The following HTR1F variants were observed in gnomAD, a reference collection of about 807,000 sequenced individuals.
HTR1F encodes the protein 5-hydroxytryptamine (serotonin) receptor 1F, G protein-coupled.
In HTR1F, 17 loss-of-function variants were observed where a neutral mutation model predicts 24.0. The observed-to-expected ratio is 0.71, with a 90% CI of 0.48 to 1.06. The LOEUF is 1.06. Among genes scored for constraint, HTR1F ranks in the 50% least tolerant of loss-of-function variants. HTR1F has a pLI of 0.00. For synonymous variants in HTR1F, 186 were observed against 156.8 expected (o/e 1.19, Z -1.39); for missense variants, 391 against 427.8 (o/e 0.91, Z 0.76).
intron 2 of HTR1F, among the ~76,000 whole-genome samples, chr3:87,948,077 A>G (rs1704750962): frequency 6.6e-6 from 1 of 152,202 alleles, no homozygotes. Context: ...TACATTCTGA[A>G]AAATGTTATA....
At chr3:87,873,531 G>A (rs1198517379) in intron 2 of HTR1F, among the ~76,000 whole-genome samples, 1 of 152,114 alleles carries the variant, frequency 6.6e-6, no homozygotes, top group Non-Finnish European at 1.5e-5. Context: ...CTCTACTCAG[G>A]CTGCTGATTC....
At chr3:87,835,782 C>G (rs1704670494) in intron 2 of HTR1F, among the ~76,000 whole-genome samples, 1 of 152,176 alleles carries the variant, frequency 6.6e-6, no homozygotes, top group Non-Finnish European at 1.5e-5. Flanking sequence ...TTACAGATAA[C>G]TTGAGCCATT....
intron 2 of HTR1F, among the ~76,000 whole-genome samples, chr3:87,905,722 ATACT>A (rs1272410712): frequency 1.5e-5 from 2 of 135,998 alleles, no homozygotes; most frequent in East Asian, 2.0e-4. Context: ...CCTTCTCTAA[ATACT>A]TTATTTAGCA....
At chr3:87,990,217 GA>G (rs1705788566) in intron 2 of HTR1F, among the ~76,000 whole-genome samples, 1 of 152,070 alleles carries the variant, frequency 6.6e-6, no homozygotes, top group Non-Finnish European at 1.5e-5. Context: ...TCAAGCCTAG[GA>G]AAAGCCTAAG....
At chr3:87,839,761 C>G (rs1216559100) in intron 2 of HTR1F, among the ~76,000 whole-genome samples, 1 of 151,998 alleles carries the variant, frequency 6.6e-6, no homozygotes, top group Non-Finnish European at 1.5e-5. Flanking sequence ...TTTTTCAACT[C>G]TCCCCCATCT....
At chr3:87,840,429 G>A (rs143699245) in intron 2 of HTR1F, among the ~76,000 whole-genome samples, 4 of 152,184 alleles carry the variant, frequency 2.6e-5, no homozygotes, top group Non-Finnish European at 5.9e-5. Flanking sequence ...GAAAATAAAC[G>A]TTGGTGAGAA....
intron 2 of HTR1F, among the ~76,000 whole-genome samples, chr3:87,958,644 C>A (rs1328630415): frequency 3.3e-5 from 5 of 151,594 alleles, no homozygotes; most frequent in African/African-American, 1.2e-4. Context: ...CAGCCAAATC[C>A]AGTATCCCTT....
intron 2 of HTR1F, among the ~76,000 whole-genome samples, chr3:87,968,568 G>A (rs1559652036): frequency 6.6e-6 from 1 of 152,070 alleles, no homozygotes; most frequent in Non-Finnish European, 1.5e-5. Flanking sequence ...AATGTTAAAA[G>A]GATTCAGTTT....
At chr3:87,869,446 TA>T (rs879884151) in intron 2 of HTR1F, among the ~76,000 whole-genome samples, 3,996 of 123,448 alleles carry the variant, frequency 0.032, 61 homozygotes, top group African/African-American at 0.042. Flanking sequence ...CATAGATAGA[TA>T]GATAGATGAT....
chr3:87,831,455 C>A (rs1322334674), intron 2 of HTR1F, among the ~76,000 whole-genome samples: 1 of 151,552 alleles, frequency 6.6e-6, no homozygotes, highest in Non-Finnish European at 1.5e-5. Flanking sequence ...CTCAGCCTCC[C>A]GGCTTCACGC....
At chr3:87,931,683 T>C (rs1161167485) in intron 2 of HTR1F, among the ~76,000 whole-genome samples, 1 of 152,036 alleles carries the variant, frequency 6.6e-6, no homozygotes. Flanking sequence ...AAAGTGTTCC[T>C]ATTTCTGCAC....
chr3:87,825,783 G>T (rs1456956556), intron 2 of HTR1F, among the ~76,000 whole-genome samples: 2 of 152,120 alleles, frequency 1.3e-5, no homozygotes, highest in South Asian at 2.1e-4. Context: ...TGGTTGTCTT[G>T]CTGCTATATA....
chr3:87,841,712 C>T (rs906043822), intron 2 of HTR1F, among the ~76,000 whole-genome samples: 25 of 151,356 alleles, frequency 1.7e-4, no homozygotes, highest in Admixed American at 2.0e-4. Flanking sequence ...CCAGCCTGGC[C>T]GACATGGTGA....
At chr3:87,860,760 A>T (rs1705300646) in intron 2 of HTR1F, among the ~76,000 whole-genome samples, 1 of 152,180 alleles carries the variant, frequency 6.6e-6, no homozygotes, top group Non-Finnish European at 1.5e-5. Flanking sequence ...GAATATTTAA[A>T]TTTTGTGTTC....
At chr3:87,886,959 G>A (rs1196827204) in intron 2 of HTR1F, among the ~76,000 whole-genome samples, 1 of 152,156 alleles carries the variant, frequency 6.6e-6, no homozygotes, top group Non-Finnish European at 1.5e-5. Flanking sequence ...TTTCTTCACA[G>A]AATTGGAAAA....
chr3:87,983,634 AG>A (rs1194469745), intron 2 of HTR1F, among the ~76,000 whole-genome samples: 1 of 152,194 alleles, frequency 6.6e-6, no homozygotes, highest in Non-Finnish European at 1.5e-5. Flanking sequence ...TTATGAAACT[AG>A]TACTGATCCA....
intron 2 of HTR1F, among the ~76,000 whole-genome samples, chr3:87,836,334 A>C (rs1255865539): frequency 1.4e-4 from 21 of 152,164 alleles, no homozygotes; most frequent in Non-Finnish European, 2.8e-4. Flanking sequence ...ATGAAAAAGG[A>C]TATTTTTTCT....
At chr3:87,880,055 G>A (rs1351846704) in intron 2 of HTR1F, among the ~76,000 whole-genome samples, 1 of 152,102 alleles carries the variant, frequency 6.6e-6, no homozygotes, top group Non-Finnish European at 1.5e-5. Context: ...CTTACTGAGT[G>A]CAAAAAGCCA....
At chr3:87,974,614 T>C (rs1387518765) in intron 2 of HTR1F, among the ~76,000 whole-genome samples, 2 of 152,212 alleles carry the variant, frequency 1.3e-5, no homozygotes, top group Admixed American at 6.5e-5. Flanking sequence ...TTGCAGTGAT[T>C]CCTATATGTA....
Sources: gnomAD v4.1 joint callset for allele counts (sites outside exome capture counted in the v4.1 genomes callset) on GRCh38, gnomAD v4.1.1 for gene constraint, MANE v1.5 for transcripts, NCBI Gene and HGNC (gene_info 2026-07-23, HGNC 2026-07-21) for gene names.